The following ATP9A variants were observed in gnomAD, a reference collection of about 807,000 sequenced individuals.
The protein encoded by ATP9A is probable phospholipid-transporting ATPase IIA.
In ATP9A, 52 loss-of-function variants were observed where a neutral mutation model predicts 144.1. The ratio of observed to expected loss-of-function variants is 0.36; its 90% CI spans 0.29 to 0.45. The LOEUF is 0.45. Among genes scored for constraint, ATP9A ranks in the 20% least tolerant of loss-of-function variants. The pLI is 1.00. For synonymous variants in ATP9A, 582 were observed against 557.4 expected (o/e 1.04, Z -0.62); for missense variants, 947 against 1,392.7 (o/e 0.68, Z 5.09).
intron 1 of ATP9A, among the ~76,000 whole-genome samples, chr20:51,756,273 CTGTCT>C (rs1333645780): frequency 5.1e-3 from 310 of 61,340 alleles, no homozygotes; most frequent in Admixed American, 0.016. Context: ...TCTGGTGTCT[CTGTCT>C]TTTTTTTTTT....
intron 1 of ATP9A, among the ~76,000 whole-genome samples, chr20:51,766,814 T>C (rs1160543999): frequency 6.6e-6 from 1 of 152,074 alleles, no homozygotes; most frequent in Non-Finnish European, 1.5e-5. Context: ...CACTCCAGCG[T>C]GGGCAACAGA....
chr20:51,597,206 G>A lies in ATP9A; in HGVS notation c.*4005C>T, dbSNP rs755785475. The A allele has an allele frequency of 3.9e-5, 6 of 152,222 alleles. No homozygotes were observed. The highest frequency in any genetic ancestry group is 8.8e-5 in the Non-Finnish European group (6 of 68,058). The allele number at this position is 152,222 out of a possible 1,614,324, so 9.4% of individuals were successfully genotyped here. A position where few individuals can be genotyped will look rare whatever the true frequency, so the allele number is the denominator to read the frequency against. Reference sequence around the variant, plus strand: ...GCTGTGGCGGAGAAGACAGATTCACGGGTAATGCCGCTTTGGCCTGAGAAG... The same window carrying A: ...GCTGTGGCGGAGAAGACAGATTCACAGGTAATGCCGCTTTGGCCTGAGAAG... On this transcript the variant is annotated 3_prime_UTR_variant, in exon 28 of 28. Coordinates refer to ENST00000338821, the MANE Select transcript of ATP9A (RefSeq NM_006045.3).
At chr20:51,716,936 G>A (rs1471953370) in intron 3 of ATP9A, among the ~76,000 whole-genome samples, 1 of 152,164 alleles carries the variant, frequency 6.6e-6, no homozygotes, top group African/African-American at 2.4e-5. Context: ...TACTTCGGGA[G>A]GCCGAGGTGG....
At chr20:51,761,382 G>A (rs562877357) in intron 1 of ATP9A, among the ~76,000 whole-genome samples, 3 of 152,302 alleles carry the variant, frequency 2.0e-5, no homozygotes, top group African/African-American at 2.4e-5. Context: ...CCCTTTGTGG[G>A]ATGGAAAGAG....
chr20:51,642,398 A>C (rs1038573804), intron 14 of ATP9A, among the ~76,000 whole-genome samples: 6 of 151,996 alleles, frequency 3.9e-5, no homozygotes, highest in Non-Finnish European at 8.8e-5. Context: ...CAAGTGATCC[A>C]CCTGCTTCAA....
intron 1 of ATP9A, among the ~76,000 whole-genome samples, chr20:51,748,086 T>G (rs2077815930): frequency 6.6e-6 from 1 of 152,210 alleles, no homozygotes; most frequent in African/African-American, 2.4e-5. Context: ...TAGACTCTAC[T>G]GGTCTGTTTC....
intron 14 of ATP9A, among the ~76,000 whole-genome samples, chr20:51,648,343 A>C (rs2077350458): frequency 6.6e-6 from 1 of 152,204 alleles, no homozygotes; most frequent in Non-Finnish European, 1.5e-5. Context: ...CAACAAGATT[A>C]AGACGAGGCA....
chr20:51,712,859 A>T, intron 4 of ATP9A, 107 bp downstream of exon 4: 1 of 955,514 alleles, frequency 1.0e-6, no homozygotes, highest in Non-Finnish European at 1.6e-6. Context: ...CTGTTCCGCC[A>T]CGTGGCATTC....
In ATP9A at chr20:51,657,271, A is replaced by C. The variant is rs986920245; in HGVS notation, c.1294-121T>G. On this transcript the variant is annotated intron_variant, in intron 13 of 27. Transcript: ENST00000338821. ...CTGTTCCAACACACAGAACCCTTAG[A>C]TATATCTACAATGATGCTGCAAATA... 5.5e-6 allele frequency: 4 copies of C among 727,022 alleles called. No homozygotes were observed. The Admixed American group carries it at 8.3e-5, about 15-fold the overall frequency. 45.0% of individuals were successfully genotyped at this position (727,022 alleles called of 1,614,324 possible). A position where few individuals can be genotyped will look rare whatever the true frequency, so the allele number is the denominator to read the frequency against.
chr20:51,676,221 A>G lies in ATP9A; in HGVS notation c.800-13T>C. The G allele has an allele frequency of 2.6e-6, 4 of 1,566,336 alleles. No homozygotes were observed. The highest frequency in any genetic ancestry group is 3.5e-6 in the Non-Finnish European group (4 of 1,158,778). Reference sequence around the variant, plus strand: ...CCCACAACAGTACCTAAAATGGAAAAAAGAAAAAAAAAAAAAGAAAAGAAA... The same window carrying G: ...CCCACAACAGTACCTAAAATGGAAAGAAGAAAAAAAAAAAAAGAAAAGAAA... On this transcript the variant is annotated splice_polypyrimidine_tract_variant and intron_variant, in intron 9 of 27. Coordinates refer to ENST00000338821, the MANE Select transcript of ATP9A (RefSeq NM_006045.3).
chr20:51,749,326 G>C (rs1034514890), intron 1 of ATP9A, among the ~76,000 whole-genome samples: 2 of 151,994 alleles, frequency 1.3e-5, no homozygotes, highest in Non-Finnish European at 2.9e-5. Context: ...GCAGTGGTGC[G>C]ATCTCGGCTC....
At chr20:51,715,845 G>T (rs1265945925) in intron 3 of ATP9A, among the ~76,000 whole-genome samples, 2 of 152,196 alleles carry the variant, frequency 1.3e-5, no homozygotes, top group African/African-American at 4.8e-5. Flanking sequence ...GCAGGGGAAG[G>T]GGGGCTGTTG....
chr20:51,742,610 G>A (rs2077789955), intron 1 of ATP9A, among the ~76,000 whole-genome samples: 1 of 152,062 alleles, frequency 6.6e-6, no homozygotes, highest in Non-Finnish European at 1.5e-5. Flanking sequence ...CGCCTCCTGG[G>A]TTCAAGCAAT....
chr20:51,668,177 G>GAA (rs11484091), intron 13 of ATP9A, among the ~76,000 whole-genome samples: 149 of 53,738 alleles, frequency 2.8e-3, no homozygotes, highest in Non-Finnish European at 4.2e-3. Flanking sequence ...AAGGGAGAAG[G>GAA]AAAAAAAAAA....
At chr20:51,731,129 C>A (rs1209025690) in intron 1 of ATP9A, among the ~76,000 whole-genome samples, 1 of 151,280 alleles carries the variant, frequency 6.6e-6, no homozygotes, top group Non-Finnish European at 1.5e-5. Flanking sequence ...GATGGTGAAA[C>A]CCCGTCTCTG....
At chr20:51,671,804 C>CCTTT (rs2077457167) in intron 11 of ATP9A, among the ~76,000 whole-genome samples, 1 of 149,548 alleles carries the variant, frequency 6.7e-6, no homozygotes. Flanking sequence ...AATTTGACTA[C>CCTTT]TTTTTTTTTT....
At chr20:51,717,622 G>A (rs113507910) in intron 3 of ATP9A, among the ~76,000 whole-genome samples, 176 of 142,464 alleles carry the variant, frequency 1.2e-3, no homozygotes, top group African/African-American at 4.1e-3. Flanking sequence ...GCAGAGGTGG[G>A]AGTAGGGGCA....
intron 1 of ATP9A, among the ~76,000 whole-genome samples, chr20:51,751,261 GTTT>G (rs201983884): frequency 8.7e-6 from 1 of 115,494 alleles, no homozygotes; most frequent in Non-Finnish European, 1.8e-5. Flanking sequence ...GGTTTTTTTT[GTTT>G]TTTTTTTTTT....
rs1339467692 is a variant in ATP9A at position 51,682,573 on chromosome 20, G to GT, written c.800-6366dup. ...GCTCTAAAGTGTGTTGCTTTTCACT[G>GT]TATCTTTTTTTTTTTTTTTTTTTTT... On this transcript the variant is annotated intron_variant, in intron 9 of 27. Coordinates refer to ENST00000338821, the MANE Select transcript of ATP9A (RefSeq NM_006045.3). 1.8e-4 allele frequency among the ~76,000 whole-genome samples: 8 copies of GT among 44,286 alleles called. No individual in the cohort carries two copies. The East Asian group carries it at 5.4e-3, about 30-fold the overall frequency. 29.1% of individuals were successfully genotyped at this position (44,286 alleles called of 152,430 possible). A position where few individuals can be genotyped will look rare whatever the true frequency, so the allele number is the denominator to read the frequency against.
Sources: gnomAD v4.1 joint callset for allele counts (sites outside exome capture counted in the v4.1 genomes callset) on GRCh38, gnomAD v4.1.1 for gene constraint, MANE v1.5 for transcripts, NCBI Gene and HGNC (gene_info 2026-07-23, HGNC 2026-07-21) for gene names.